Variants in CASQ2 observed in about 807,000 individuals in gnomAD.
The protein encoded by CASQ2 is calsequestrin-2.
In CASQ2, 49 loss-of-function variants were observed where a neutral mutation model predicts 46.5. That is an observed-to-expected ratio of 1.05 (90% confidence interval 0.84 to 1.34). CASQ2 has a LOEUF of 1.34. Among genes scored for constraint, CASQ2 ranks in the 40% most tolerant of loss-of-function variants. CASQ2 has a pLI of 0.00. For missense variants in CASQ2, 486 were observed against 481.3 expected, an observed-to-expected ratio of 1.01 and a Z score of -0.09; for synonymous variants, 174 against 168.5, an observed-to-expected ratio of 1.03 and a Z score of -0.25.
chr1:115,701,429 G>A lies in CASQ2; in HGVS notation c.1015-3C>T, dbSNP rs375320117. ...ATCTCCATCCAGACACTGTCAGCCT[G>A]CAGTGAGGGACAAAATGAATGAGTG... On this transcript the variant is annotated splice_region_variant and splice_polypyrimidine_tract_variant and intron_variant, in intron 10 of 10. Coordinates refer to ENST00000261448, the MANE Select transcript of CASQ2 (RefSeq NM_001232.4). 44 of 1,597,414 alleles carry A rather than the reference G, an allele frequency of 2.8e-5. No individual in the cohort carries two copies. Among genetic ancestry groups the A allele is most frequent in the Non-Finnish European group, 3.7e-5 (43 of 1,165,042 alleles).
chr1:115,750,493 T>C lies in CASQ2; in HGVS notation c.235-5581A>G, dbSNP rs116107340. Among the ~76,000 whole-genome samples the C allele has an allele frequency of 1.1e-3, 166 of 152,330 alleles. 1 individual carries two copies. The highest frequency in any genetic ancestry group is 3.9e-3 in the African/African-American group (164 of 41,562). ...AAAAAAGTGTTTTTTAAAAGTTATT[T>C]TAAGGTCCTTAAGGTTTTGTTCTGT... is the stretch of plus-strand genomic sequence containing the variant. On this transcript the variant is annotated intron_variant, in intron 1 of 10. Transcript: ENST00000261448.
intron 1 of CASQ2, among the ~76,000 whole-genome samples, chr1:115,761,445 GAAGAAGAAGAAGAAGA>G (rs1648939848): frequency 1.9e-4 from 2 of 10,458 alleles, no homozygotes; most frequent in African/African-American, 6.9e-4. Flanking sequence ...GAAGAAAGAA[GAAGAAGAAGAAGAAGA>G]AGGAGAAGAA....
At chr1:115,761,095 C>A (rs567168666) in intron 1 of CASQ2, among the ~76,000 whole-genome samples, 23 of 151,992 alleles carry the variant, frequency 1.5e-4, no homozygotes, top group African/African-American at 5.3e-4. Flanking sequence ...GTGTGACTTA[C>A]TCAGGATAGT....
chr1:115,740,702 C>CA (rs1259957102), intron 3 of CASQ2, 26 bp downstream of exon 3: 6 of 1,404,282 alleles, frequency 4.3e-6, no homozygotes, highest in Middle Eastern at 1.8e-4. Flanking sequence ...CAGCTCCATG[C>CA]AGGGTCACTG....
Position 115,700,270 on chromosome 1 carries a change from A to G in CASQ2, c.*971T>C, listed in dbSNP as rs1654166490. On this transcript the variant is annotated 3_prime_UTR_variant, in exon 11 of 11. Coordinates refer to ENST00000261448, the MANE Select transcript of CASQ2 (RefSeq NM_001232.4). Reference sequence around the variant, plus strand: ...CAGGGCATCAGTATGAACTCCAATTATTGTTGCCCTGGCCAATTGTGGGAG... The same window carrying G: ...CAGGGCATCAGTATGAACTCCAATTGTTGTTGCCCTGGCCAATTGTGGGAG... 1 of 151,526 alleles carries G rather than the reference A, an allele frequency of 6.6e-6. No individual in the cohort carries two copies. The highest frequency in any genetic ancestry group is 2.1e-4 in the South Asian group (1 of 4,766). The allele number at this position is 151,526 out of a possible 1,614,324, so 9.4% of individuals were successfully genotyped here.
At chr1:115,756,629 A>G (rs1648770561) in intron 1 of CASQ2, among the ~76,000 whole-genome samples, 1 of 152,172 alleles carries the variant, frequency 6.6e-6, no homozygotes, top group Non-Finnish European at 1.5e-5. Flanking sequence ...CTTTCATGGT[A>G]TCTCACGTCC....
At chr1:115,713,296 G>A (rs775755552) in intron 8 of CASQ2, among the ~76,000 whole-genome samples, 6 of 152,216 alleles carry the variant, frequency 3.9e-5, no homozygotes, top group South Asian at 2.1e-4. Context: ...CACTTTGAGC[G>A]CAGGAGCTGG....
At chr1:115,704,871 G>A (rs1039033098) in intron 9 of CASQ2, among the ~76,000 whole-genome samples, 2 of 152,206 alleles carry the variant, frequency 1.3e-5, no homozygotes, top group Non-Finnish European at 2.9e-5. Context: ...GAAAATAAAA[G>A]TAGTTCTGGG....
At chr1:115,717,796 A>G in intron 8 of CASQ2, 44 bp downstream of exon 8, 1 of 1,405,478 alleles carries the variant, frequency 7.1e-7, no homozygotes, top group Non-Finnish European at 1.0e-6. Flanking sequence ...GTGAGAAATC[A>G]GTTCTTGCTA....
chr1:115,766,211 A>G (rs567781854), intron 1 of CASQ2, among the ~76,000 whole-genome samples: 3 of 152,304 alleles, frequency 2.0e-5, no homozygotes, highest in South Asian at 4.2e-4. Flanking sequence ...TCTTGAAACC[A>G]TCTTAAACAG....
chr1:115,756,823 T>C (rs1476849665), intron 1 of CASQ2, among the ~76,000 whole-genome samples: 1 of 152,130 alleles, frequency 6.6e-6, no homozygotes, highest in Non-Finnish European at 1.5e-5. Context: ...GGCACACGCC[T>C]GTAGTCTCAG....
intron 8 of CASQ2, among the ~76,000 whole-genome samples, chr1:115,707,591 A>C (rs1008387220): frequency 6.6e-6 from 1 of 152,202 alleles, no homozygotes; most frequent in African/African-American, 2.4e-5. Context: ...TGTGGACACT[A>C]TGGGTCGTCC....
At position 115,705,060 on chromosome 1, in the gene CASQ2, C is replaced by A. The variant is rs115673492; in HGVS notation, c.939+132G>T. 4,835 of 741,306 alleles carry A rather than the reference C, an allele frequency of 6.5e-3. 137 individuals are homozygous for A. In the African/African-American group the frequency reaches 0.066, roughly 10 times the overall value. The allele number at this position is 741,306 out of a possible 1,614,324, so 45.9% of individuals were successfully genotyped here. ...TTCAATACTGCCCCAAGGGCCAAGA[C>A]CTCCCACACTGGGTGAGGACCGCCA... On this transcript the variant is annotated intron_variant, in intron 9 of 10. Coordinates refer to ENST00000261448, the MANE Select transcript of CASQ2 (RefSeq NM_001232.4).
intron 8 of CASQ2, among the ~76,000 whole-genome samples, chr1:115,716,767 C>A (rs1654713529): frequency 6.6e-6 from 1 of 152,192 alleles, no homozygotes; most frequent in Admixed American, 6.5e-5. Context: ...CCCTCTGGCC[C>A]ACTTCTCTTC....
intron 1 of CASQ2, among the ~76,000 whole-genome samples, chr1:115,748,782 G>A (rs963368002): frequency 6.6e-6 from 1 of 152,114 alleles, no homozygotes; most frequent in African/African-American, 2.4e-5. Context: ...TAAGTTAAAT[G>A]TTCCCTTGTA....
chr1:115,746,235 G>A lies in CASQ2; in HGVS notation c.235-1323C>T, dbSNP rs78532792. ...TTTGTTTAATCATTCACTCATTAAA[G>A]GATATGTGGGTTGTTCCCAGTGATT... On this transcript the variant is annotated intron_variant, in intron 1 of 10. Coordinates refer to ENST00000261448, the MANE Select transcript of CASQ2 (RefSeq NM_001232.4). Among the ~76,000 whole-genome samples, 3 of 152,050 alleles carry A rather than the reference G, an allele frequency of 2.0e-5. No individual in the cohort carries two copies. In the East Asian group the frequency reaches 5.8e-4, roughly 29 times the overall value.
intron 5 of CASQ2, among the ~76,000 whole-genome samples, chr1:115,731,760 C>T (rs925891228): frequency 2.0e-5 from 3 of 152,190 alleles, no homozygotes; most frequent in African/African-American, 4.8e-5. Flanking sequence ...TCAGTTTCAT[C>T]CTCTGTAGAA....
chr1:115,743,810 A>G (rs1648282400), intron 2 of CASQ2, among the ~76,000 whole-genome samples: 1 of 151,950 alleles, frequency 6.6e-6, no homozygotes, highest in African/African-American at 2.4e-5. Flanking sequence ...AGAAAAAGCC[A>G]AATGGGCAGT....
chr1:115,742,717 G>T (rs1453230119), intron 2 of CASQ2, among the ~76,000 whole-genome samples: 1 of 152,184 alleles, frequency 6.6e-6, no homozygotes, highest in Non-Finnish European at 1.5e-5. Flanking sequence ...CCAATGGGAA[G>T]GCAGAAGAAG....
Sources: allele counts gnomAD v4.1 joint callset (sites outside exome capture counted in the v4.1 genomes callset), GRCh38; gene constraint gnomAD v4.1.1; transcripts MANE v1.5; gene names NCBI Gene and HGNC (gene_info 2026-07-23, HGNC 2026-07-21).